WIPI1: variants seen among roughly 807,000 people sequenced by gnomAD.
WIPI1 encodes the protein WD repeat domain phosphoinositide-interacting protein 1.
In WIPI1, 45 loss-of-function variants were observed where a neutral mutation model predicts 55.3. The observed-to-expected ratio is 0.81, with a 90% CI of 0.64 to 1.04. The LOEUF is 1.04. WIPI1 is among the 50% of genes least tolerant of loss of function. The pLI, the probability that WIPI1 is intolerant of heterozygous loss-of-function variation, is 0.00. For missense variants in WIPI1, 445 were observed against 559.0 expected, an observed-to-expected ratio of 0.80 and a Z score of 2.06; for synonymous variants, 195 against 217.6, an observed-to-expected ratio of 0.90 and a Z score of 0.92.
intron 3 of WIPI1, among the ~76,000 whole-genome samples, chr17:68,446,104 A>G (rs1258504327): frequency 6.6e-6 from 1 of 152,182 alleles, no homozygotes; most frequent in Non-Finnish European, 1.5e-5. Context: ...GCTATTCCCC[A>G]AGGAAGACTA....
chr17:68,424,611 C>G, intron 12 of WIPI1: 1 of 462,514 alleles, frequency 2.2e-6, no homozygotes, highest in Non-Finnish European at 4.4e-6. Flanking sequence ...TGCGGCGGTT[C>G]ACGCCTGTAA....
intron 4 of WIPI1, among the ~76,000 whole-genome samples, chr17:68,437,359 G>A (rs1262112988): frequency 3.3e-5 from 5 of 151,828 alleles, no homozygotes; most frequent in African/African-American, 4.8e-5. Flanking sequence ...GTTCGAGATC[G>A]GGCTGGCCAA....
intron 8 of WIPI1, among the ~76,000 whole-genome samples, chr17:68,431,121 C>T (rs780045720): frequency 3.3e-5 from 5 of 152,140 alleles, no homozygotes; most frequent in East Asian, 1.9e-4. Context: ...AAGAGGTGTA[C>T]GATCCAGACC....
At chr17:68,446,748 G>A (rs1051007944) in intron 3 of WIPI1, among the ~76,000 whole-genome samples, 1 of 152,164 alleles carries the variant, frequency 6.6e-6, no homozygotes, top group Non-Finnish European at 1.5e-5. Flanking sequence ...GCGGGGCCTT[G>A]ACATATGCCT....
intron 9 of WIPI1, 44 bp downstream of exon 9, chr17:68,429,952 G>A (rs776832111): frequency 1.2e-6 from 2 of 1,609,414 alleles, no homozygotes; most frequent in Non-Finnish European, 8.5e-7. Context: ...AAAATACATT[G>A]ACGAAAGTGT....
At chr17:68,441,037 C>T (rs929799541) in intron 4 of WIPI1, 2 of 152,204 alleles carry the variant, frequency 1.3e-5, no homozygotes, top group Admixed American at 6.5e-5. Flanking sequence ...GTTCAATGAT[C>T]TGCATTGCTG....
intron 11 of WIPI1, 75 bp from the exon 12 acceptor site, chr17:68,426,250 G>GGGT: frequency 2.4e-6 from 2 of 828,058 alleles, no homozygotes; most frequent in Admixed American, 2.3e-5. Context: ...GGTGGGGAGC[G>GGGT]GGGGCTCAAA....
chr17:68,426,582 G>C (rs2083210536), intron 11 of WIPI1, among the ~76,000 whole-genome samples: 1 of 152,188 alleles, frequency 6.6e-6, no homozygotes, highest in African/African-American at 2.4e-5. Context: ...ACCCAGGCTG[G>C]AGTGCAGTGG....
chr17:68,424,536 C>T (rs750041849), intron 12 of WIPI1: 1 of 532,378 alleles, frequency 1.9e-6, no homozygotes, highest in Non-Finnish European at 3.9e-6. Flanking sequence ...GCCCAAGTGG[C>T]AGCTCCTCTC....
chr17:68,424,012 C>T lies in WIPI1; in HGVS notation c.1293+2063G>A, dbSNP rs142425420. ...TCACATTTGTCCCCACGGTGTCTGA[C>T]CTAGAGTGCTCTGGATCCTGGAAGC... On this transcript the variant is annotated intron_variant, in intron 12 of 12. Coordinates refer to ENST00000262139, the MANE Select transcript of WIPI1 (RefSeq NM_017983.7). Among the ~76,000 whole-genome samples the T allele has an allele frequency of 8.9e-3, 1,360 of 152,244 alleles. 23 individuals carry two copies. Among genetic ancestry groups the T allele is most frequent in the African/African-American group, 0.031 (1,286 of 41,540 alleles).
At chr17:68,427,328 G>A in intron 10 of WIPI1, 75 bp from the exon 11 acceptor site, 1 of 1,107,878 alleles carries the variant, frequency 9.0e-7, no homozygotes, top group South Asian at 1.3e-5. Context: ...CAAAGGAAAA[G>A]CATGAAGAAG....
At chr17:68,429,627 C>T (rs905501776) in intron 9 of WIPI1, among the ~76,000 whole-genome samples, 29 of 152,042 alleles carry the variant, frequency 1.9e-4, no homozygotes, top group African/African-American at 5.3e-4. Flanking sequence ...CTTGCTCTGT[C>T]GCCCAGGCTG....
intron 4 of WIPI1, among the ~76,000 whole-genome samples, chr17:68,437,014 A>ATGTGTGTGTGTGTG (rs1181984378): frequency 7.3e-5 from 6 of 82,142 alleles, no homozygotes; most frequent in African/African-American, 1.8e-4. Context: ...AAATATATAT[A>ATGTGTGTGTGTGTG]TATGTGTGTG....
At chr17:68,444,903 G>A (rs889274384) in intron 3 of WIPI1, among the ~76,000 whole-genome samples, 19 of 148,126 alleles carry the variant, frequency 1.3e-4, no homozygotes, top group African/African-American at 4.0e-4. Flanking sequence ...CTTAGAACAG[G>A]GATCCTGAAC....
intron 1 of WIPI1, among the ~76,000 whole-genome samples, chr17:68,454,507 G>A (rs376140619): frequency 4.6e-4 from 70 of 152,298 alleles, no homozygotes; most frequent in Middle Eastern, 3.4e-3. Flanking sequence ...AGCTGGTGAC[G>A]TCTCGCAGCC....
chr17:68,450,905 G>T lies in WIPI1; in HGVS notation c.164-8C>A. The T allele has an allele frequency of 6.2e-7, 1 of 1,609,882 alleles. No individual in the cohort carries two copies. The highest frequency in any genetic ancestry group is 1.3e-5 in the African/African-American group (1 of 74,846). On this transcript the variant is annotated splice_polypyrimidine_tract_variant and splice_region_variant and intron_variant, in intron 2 of 12. Transcript: ENST00000262139. ...AGACGTCCGGGATTTCATCTGGGAG[G>T]AAAAGCAGCCGGGAGGTTACATGGA...
chr17:68,445,891 A>G lies in WIPI1; in HGVS notation c.334-1302T>C, dbSNP rs939599298. ...ACCTGGATGCCCAAGGAGCTGCCCA[A>G]GGAGCAAGCCCTGGGCTCTCCCCGG... On this transcript the variant is annotated intron_variant, in intron 3 of 12. Coordinates refer to ENST00000262139, the MANE Select transcript of WIPI1 (RefSeq NM_017983.7). Among the ~76,000 whole-genome samples, 29 of 152,214 alleles carry G rather than the reference A, an allele frequency of 1.9e-4. 2 individuals are homozygous for G.
intron 12 of WIPI1, chr17:68,424,593 C>T (rs372514593): frequency 8.3e-6 from 4 of 481,720 alleles, no homozygotes; most frequent in East Asian, 5.6e-5. Context: ...ACACTACTTC[C>T]GGCCGGGTGC....
At chr17:68,449,017 T>C (rs17740050) in intron 3 of WIPI1, among the ~76,000 whole-genome samples, 3,748 of 152,258 alleles carry the variant, frequency 0.025, 58 homozygotes, top group Middle Eastern at 0.034. Flanking sequence ...TTTGAAAGAG[T>C]TGATCAATTC....
Sources: gnomAD v4.1 joint callset for allele counts (sites outside exome capture counted in the v4.1 genomes callset) on GRCh38, gnomAD v4.1.1 for gene constraint, MANE v1.5 for transcripts, NCBI Gene and HGNC (gene_info 2026-07-23, HGNC 2026-07-21) for gene names.